Variants in MGAT4C observed in about 807,000 individuals in gnomAD.
MGAT4C encodes alpha-1,3-mannosyl-glycoprotein 4-beta-N-acetylglucosaminyltransferase C.
In MGAT4C, 19 loss-of-function variants were observed where a neutral mutation model predicts 40.1. The ratio of observed to expected loss-of-function variants is 0.47; its 90% CI spans 0.33 to 0.70. The LOEUF (loss-of-function observed/expected upper bound fraction) is 0.70, where lower values mean the gene tolerates loss of function less well. MGAT4C is among the 30% of genes least tolerant of loss of function. The pLI, the probability that MGAT4C is intolerant of heterozygous loss-of-function variation, is 0.02. For synonymous variants in MGAT4C, 181 were observed against 187.1 expected (o/e 0.97, Z 0.27); for missense variants, 491 against 563.2 (o/e 0.87, Z 1.30).
chr12:86,314,699 C>A (rs927089268), intron 4 of MGAT4C, among the ~76,000 whole-genome samples: 1 of 152,186 alleles, frequency 6.6e-6, no homozygotes, highest in African/African-American at 2.4e-5. Flanking sequence ...AGCATTTCCC[C>A]AACAACATTC....
chr12:86,410,889 C>T (rs749130946), intron 3 of MGAT4C, among the ~76,000 whole-genome samples: 2 of 152,102 alleles, frequency 1.3e-5, no homozygotes, highest in East Asian at 3.9e-4. Context: ...ATTCGGGGTC[C>T]CTGACTTCCC....
intron 1 of MGAT4C, among the ~76,000 whole-genome samples, chr12:86,194,180 A>G (rs556556398): frequency 5.9e-5 from 9 of 152,280 alleles, no homozygotes; most frequent in South Asian, 4.1e-4. Context: ...CATACTATCA[A>G]TGCAAGAAGT....
Position 86,018,236 on chromosome 12 carries a change from G to A in MGAT4C, c.-6-28684C>T, listed in dbSNP as rs145348101. ...AATTCTACCCATCTAAATGAAAGTG[G>A]CAACGTTAATCTACCCCAAGGCACT... is the stretch of plus-strand genomic sequence containing the variant. On this transcript the variant is annotated intron_variant, in intron 2 of 4. Transcript: ENST00000611864. Among the ~76,000 whole-genome samples, 268 of 152,196 alleles carry A rather than the reference G, an allele frequency of 1.8e-3. 2 individuals are homozygous for A. Among genetic ancestry groups the A allele is most frequent in the Middle Eastern group, 0.01 (3 of 294 alleles).
chr12:86,750,538 T>C lies in MGAT4C; in HGVS notation c.-261-23297A>G, dbSNP rs1196168662. On this transcript the variant is annotated intron_variant, in intron 1 of 7. Coordinates refer to the MGAT4C transcript ENST00000548651. ...AAAACAAACTTGTCCATGGTAGTCT[T>C]TCAGTTTTGCCCAGAAAAAGATCCC... Among the ~76,000 whole-genome samples the C allele has an allele frequency of 2.6e-5, 4 of 151,884 alleles. No homozygotes were observed. The Admixed American group carries it at 2.6e-4, about 10-fold the overall frequency.
chr12:86,159,450 G>A (rs1378037784), intron 1 of MGAT4C, among the ~76,000 whole-genome samples: 1 of 150,492 alleles, frequency 6.6e-6, no homozygotes, highest in African/African-American at 2.4e-5. Context: ...GGATTTTTGT[G>A]TCTATGTTCA....
chr12:86,336,205 G>A lies in MGAT4C; in HGVS notation c.-119-2078C>T, dbSNP rs142091606. Reference sequence around the variant, plus strand: ...TTCCAAGTATTTTTTATTCACAGTTGGTTGAATCCCATGGATGAGGAACCT... The same window carrying A: ...TTCCAAGTATTTTTTATTCACAGTTAGTTGAATCCCATGGATGAGGAACCT... On this transcript the variant is annotated intron_variant, in intron 3 of 7. Transcript: ENST00000548651. Among the ~76,000 whole-genome samples the A allele has an allele frequency of 3.3e-3, 499 of 152,136 alleles. 3 individuals are homozygous for A. Among genetic ancestry groups the A allele is most frequent in the South Asian group, 6.2e-3 (30 of 4,810 alleles).
chr12:86,184,155 T>G (rs1181783346), intron 1 of MGAT4C, among the ~76,000 whole-genome samples: 2 of 152,174 alleles, frequency 1.3e-5, no homozygotes, highest in African/African-American at 4.8e-5. Context: ...GAAAATGATA[T>G]TCCATTTCTT....
intron 1 of MGAT4C, among the ~76,000 whole-genome samples, chr12:86,793,204 T>A (rs1952056194): frequency 6.6e-6 from 1 of 152,128 alleles, no homozygotes; most frequent in African/African-American, 2.4e-5. Flanking sequence ...CAGGGATTCA[T>A]TTTTTTAGTT....
rs546224787 is a variant in MGAT4C, at chr12:85,965,020, G to A, written c.*14269C>T. On this transcript the variant is annotated 3_prime_UTR_variant, in exon 5 of 5. Transcript: ENST00000611864. ...TTCTCTGTCAAATGTGGAGGTCATG[G>A]ATCCTTCTTGGCACCTAAGATTAAA... is the stretch of plus-strand genomic sequence containing the variant. 6.6e-6 allele frequency: 1 copy of A among 152,230 alleles called. No individual in the cohort carries two copies. The highest frequency in any genetic ancestry group is 2.1e-4 in the South Asian group (1 of 4,828). 9.4% of individuals were successfully genotyped at this position (152,230 alleles called of 1,614,324 possible).
intron 2 of MGAT4C, among the ~76,000 whole-genome samples, chr12:86,650,901 T>C (rs955883836): frequency 3.3e-5 from 5 of 151,872 alleles, no homozygotes; most frequent in Non-Finnish European, 5.9e-5. Context: ...TGCAATGAAG[T>C]AACATAATTG....
chr12:86,807,007 A>G (rs565804421), intron 1 of MGAT4C, among the ~76,000 whole-genome samples: 28 of 137,456 alleles, frequency 2.0e-4, no homozygotes, highest in East Asian at 1.8e-3. Flanking sequence ...AGGTAAAATA[A>G]AAAGTATATA....
At chr12:86,106,408 C>G (rs745765530) in intron 1 of MGAT4C, among the ~76,000 whole-genome samples, 1 of 152,122 alleles carries the variant, frequency 6.6e-6, no homozygotes, top group Non-Finnish European at 1.5e-5. Flanking sequence ...TCAAGCAGTC[C>G]TCTTACATCA....
At chr12:86,640,467 A>T (rs2136519474) in intron 2 of MGAT4C, among the ~76,000 whole-genome samples, 1 of 151,898 alleles carries the variant, frequency 6.6e-6, no homozygotes, top group Admixed American at 6.6e-5. Context: ...ATCATTTTTT[A>T]TTGCATCTAT....
chr12:86,639,287 A>C (rs1308937567), intron 2 of MGAT4C, among the ~76,000 whole-genome samples: 1 of 151,784 alleles, frequency 6.6e-6, no homozygotes, highest in African/African-American at 2.4e-5. Flanking sequence ...TACATCAGGC[A>C]ATCTATTCTT....
At chr12:86,528,034 G>C (rs1036133894) in intron 2 of MGAT4C, among the ~76,000 whole-genome samples, 1 of 152,034 alleles carries the variant, frequency 6.6e-6, no homozygotes, top group African/African-American at 2.4e-5. Flanking sequence ...ATCATAAAAA[G>C]TATATATCTT....
At chr12:86,713,540 C>G (rs1565943193) in intron 2 of MGAT4C, among the ~76,000 whole-genome samples, 2 of 151,926 alleles carry the variant, frequency 1.3e-5, no homozygotes, top group Non-Finnish European at 2.9e-5. Flanking sequence ...GTATTTTTAA[C>G]TTTTTGAAGA....
At chr12:86,838,037 T>C (rs1953075182) in intron 1 of MGAT4C, among the ~76,000 whole-genome samples, 1 of 152,214 alleles carries the variant, frequency 6.6e-6, no homozygotes. Context: ...AGTTAAATAA[T>C]AATTTTGTAG....
chr12:86,335,159 T>G (rs1405210329), intron 3 of MGAT4C, among the ~76,000 whole-genome samples: 1 of 152,136 alleles, frequency 6.6e-6, no homozygotes, highest in African/African-American at 2.4e-5. Flanking sequence ...TAAATGTAGA[T>G]CAGGAAGCCC....
chr12:86,003,202 A>T lies in MGAT4C; in HGVS notation c.-6-13650T>A, dbSNP rs114097090. ...AGAAACTAATTCAAATGCTTTTCAA[A>T]TTCACATGAAATGGACGTATATTTG... On this transcript the variant is annotated intron_variant, in intron 2 of 4. Coordinates refer to ENST00000611864, the MANE Select transcript of MGAT4C (RefSeq NM_001351288.2). Among the ~76,000 whole-genome samples, 1,211 of 152,294 alleles carry T rather than the reference A, an allele frequency of 8.0e-3. 14 individuals carry two copies. The highest frequency in any genetic ancestry group is 0.028 in the African/African-American group (1,163 of 41,560).
Sources: gnomAD v4.1 joint callset for allele counts (sites outside exome capture counted in the v4.1 genomes callset) on GRCh38, gnomAD v4.1.1 for gene constraint, MANE v1.5 for transcripts, NCBI Gene and HGNC (gene_info 2026-07-23, HGNC 2026-07-21) for gene names.